Variants in ANXA8 observed in about 807,000 individuals in gnomAD.
ANXA8 encodes the protein annexin A8.
ANXA8 carries 9 observed loss-of-function variants against 26.8 expected under a neutral mutation model. That is an observed-to-expected ratio of 0.34 (90% confidence interval 0.20 to 0.59). ANXA8 has a LOEUF of 0.59. ANXA8 is among the 20% of genes least tolerant of loss of function. ANXA8 has a pLI of 0.84. For synonymous variants in ANXA8, 39 were observed against 94.8 expected, an observed-to-expected ratio of 0.41 and a Z score of 3.42; for missense variants, 83 against 238.5, an observed-to-expected ratio of 0.35 and a Z score of 4.29.
chr10:47,779,738 AG>A, the ANXA8 span, among the ~76,000 whole-genome samples: 1 of 138,810 alleles, frequency 7.2e-6, no homozygotes, highest in Non-Finnish European at 1.6e-5. Flanking sequence ...ACCAGGGGAG[AG>A]GGAAAGGGGC....
chr10:47,755,415 C>T, the ANXA8 span, among the ~76,000 whole-genome samples: 1 of 152,194 alleles, frequency 6.6e-6, no homozygotes, highest in Admixed American at 6.5e-5. Context: ...GCCACCACAC[C>T]CAGCTAATTT....
the ANXA8 span, among the ~76,000 whole-genome samples, chr10:47,769,908 G>A: frequency 6.6e-6 from 1 of 150,968 alleles, no homozygotes; most frequent in South Asian, 2.1e-4. Flanking sequence ...CAGTTCTGCA[G>A]GCTGTAAAGG....
the ANXA8 span, among the ~76,000 whole-genome samples, chr10:47,685,711 GAA>G: frequency 6.6e-6 from 1 of 150,910 alleles, no homozygotes; most frequent in South Asian, 2.1e-4. Context: ...GCCCAAGGAG[GAA>G]GAGAGAGAGA....
chr10:47,725,489 C>CT, the ANXA8 span, among the ~76,000 whole-genome samples: 2 of 116,760 alleles, frequency 1.7e-5, no homozygotes, highest in Non-Finnish European at 3.6e-5. Flanking sequence ...TTATTATCTA[C>CT]TTTGAGTTAA....
the ANXA8 span, among the ~76,000 whole-genome samples, chr10:47,974,699 T>G: frequency 1.4e-5 from 2 of 147,346 alleles, no homozygotes; most frequent in Non-Finnish European, 3.0e-5. Flanking sequence ...TGTATTTGTG[T>G]AGTTTTGAGA....
chr10:47,930,013 G>A, the ANXA8 span, among the ~76,000 whole-genome samples: 2 of 152,142 alleles, frequency 1.3e-5, no homozygotes, highest in East Asian at 1.9e-4. Flanking sequence ...CCCCTCTCTG[G>A]CCTCACTTCC....
chr10:47,650,820 G>A, the ANXA8 span, among the ~76,000 whole-genome samples: 1 of 145,104 alleles, frequency 6.9e-6, no homozygotes. Context: ...AAAAAAAAAA[G>A]GGCAAAGAAT....
chr10:47,645,552 G>A, the ANXA8 span, among the ~76,000 whole-genome samples: 1 of 151,124 alleles, frequency 6.6e-6, no homozygotes, highest in Admixed American at 6.6e-5. Context: ...AGAGAAAGAA[G>A]AAGAAAAGAG....
chr10:47,544,017 T>A, the ANXA8 span, among the ~76,000 whole-genome samples: 2 of 148,890 alleles, frequency 1.3e-5, no homozygotes, highest in Admixed American at 6.7e-5. Flanking sequence ...GGAAAAGGGG[T>A]ATTCCAGGCT....
chr10:47,665,837 C>T, the ANXA8 span, among the ~76,000 whole-genome samples: 77 of 151,776 alleles, frequency 5.1e-4, no homozygotes, highest in South Asian at 8.5e-3. Context: ...TTTGAGGAAA[C>T]GTTTCACAAG....
the ANXA8 span, among the ~76,000 whole-genome samples, chr10:47,976,726 C>A: frequency 6.8e-6 from 1 of 148,128 alleles, no homozygotes; most frequent in South Asian, 2.2e-4. Flanking sequence ...AGGCACATTC[C>A]CAGGGATTGT....
chr10:47,577,079 GT>G, the ANXA8 span, among the ~76,000 whole-genome samples: 4 of 148,058 alleles, frequency 2.7e-5, no homozygotes, highest in African/African-American at 1.0e-4. Flanking sequence ...CAGTGGTGGT[GT>G]GCTGGGCATG....
the ANXA8 span, among the ~76,000 whole-genome samples, chr10:47,945,445 T>C: frequency 6.6e-6 from 1 of 150,808 alleles, no homozygotes; most frequent in Non-Finnish European, 1.5e-5. Context: ...AAGGGTCTCT[T>C]TGCCCACCCG....
At chr10:47,741,839 A>ATTTT in the ANXA8 span, among the ~76,000 whole-genome samples, 459 of 123,156 alleles carry the variant, frequency 3.7e-3, 11 homozygotes, top group African/African-American at 0.013. Context: ...ATAAACAGGG[A>ATTTT]TTTTTTTTTT....
chr10:47,702,133 A>T, the ANXA8 span, among the ~76,000 whole-genome samples: 2 of 149,462 alleles, frequency 1.3e-5, no homozygotes, highest in African/African-American at 4.9e-5. Flanking sequence ...GTTAAAACGA[A>T]CCAGAGGTAT....
At chr10:47,891,591 T>TAAAAA in the ANXA8 span, among the ~76,000 whole-genome samples, 1 of 1,146 alleles carries the variant, frequency 8.7e-4, no homozygotes, top group Non-Finnish European at 1.8e-3. Context: ...TACAAATAAA[T>TAAAAA]AGAAAAAAAA....
At chr10:47,493,017 C>A in the ANXA8 span, among the ~76,000 whole-genome samples, 4 of 151,234 alleles carry the variant, frequency 2.6e-5, no homozygotes, top group Non-Finnish European at 4.4e-5. Flanking sequence ...ATGGTGTTTG[C>A]GGGCTCCAGG....
At chr10:47,489,338 G>C in the ANXA8 span, among the ~76,000 whole-genome samples, 8 of 149,384 alleles carry the variant, frequency 5.4e-5, no homozygotes, top group Admixed American at 3.4e-4. Context: ...TTTTGTCCCA[G>C]TGTGCTGTCA....
At chr10:47,577,106 A>C in the ANXA8 span, among the ~76,000 whole-genome samples, 1 of 148,946 alleles carries the variant, frequency 6.7e-6, no homozygotes, top group African/African-American at 2.5e-5. Flanking sequence ...ATGTACCTGT[A>C]GTCCCAGCTG....
Sources: allele counts gnomAD v4.1 joint callset (sites outside exome capture counted in the v4.1 genomes callset), GRCh38; gene constraint gnomAD v4.1.1; transcripts MANE v1.5; gene names NCBI Gene and HGNC (gene_info 2026-07-23, HGNC 2026-07-21).